Variants in GABBR2 observed in about 807,000 individuals in gnomAD.
GABBR2 encodes gamma-aminobutyric acid type B receptor subunit 2, also known as G-protein coupled receptor 51.
Under a neutral mutation model 105.6 loss-of-function variants are expected in GABBR2, and 23 were observed. That is an observed-to-expected ratio of 0.22 (90% CI 0.16 to 0.31). The LOEUF (loss-of-function observed/expected upper bound fraction) is 0.31. Among genes scored for constraint, GABBR2 ranks in the 10% least tolerant of loss-of-function variants. The pLI is 1.00. For missense variants in GABBR2, 734 were observed against 1,245.5 expected (o/e 0.59, Z 6.18); for synonymous variants, 478 against 499.7 (o/e 0.96, Z 0.58).
intron 11 of GABBR2, among the ~76,000 whole-genome samples, chr9:98,376,862 T>C (rs1226419873): frequency 6.6e-6 from 1 of 152,106 alleles, no homozygotes; most frequent in Non-Finnish European, 1.5e-5. Context: ...GGGGCCATCT[T>C]AGAAGCCTTG....
intron 3 of GABBR2, among the ~76,000 whole-genome samples, chr9:98,535,835 A>G (rs1302342860): frequency 1.3e-5 from 2 of 152,180 alleles, no homozygotes; most frequent in Non-Finnish European, 2.9e-5. Flanking sequence ...AGGCAAAACT[A>G]TGGGGATCAG....
chr9:98,566,747 T>C (rs1252697783), intron 2 of GABBR2, among the ~76,000 whole-genome samples: 5 of 125,388 alleles, frequency 4.0e-5, no homozygotes, highest in Non-Finnish European at 7.8e-5. Flanking sequence ...TCAGGGAGGC[T>C]GAGGTGGGAG....
At chr9:98,323,355 T>C (rs910652061) in intron 13 of GABBR2, among the ~76,000 whole-genome samples, 4 of 152,248 alleles carry the variant, frequency 2.6e-5, no homozygotes, top group Non-Finnish European at 4.4e-5. Context: ...TGTGCTGTGA[T>C]GTGAAAGAGG....
chr9:98,550,516 C>A (rs556878799), intron 2 of GABBR2, among the ~76,000 whole-genome samples: 1 of 152,292 alleles, frequency 6.6e-6, no homozygotes, highest in African/African-American at 2.4e-5. Flanking sequence ...AGTCATACTG[C>A]CTCCATCCTC....
chr9:98,324,020 C>A (rs576125219), intron 13 of GABBR2, among the ~76,000 whole-genome samples: 1 of 152,192 alleles, frequency 6.6e-6, no homozygotes, highest in East Asian at 1.9e-4. Context: ...GGGCCATCAG[C>A]CTCCCTCACA....
rs565847273 is a variant in GABBR2, at chr9:98,534,244, C to T, written c.630+7629G>A. 2.0e-5 allele frequency among the ~76,000 whole-genome samples: 3 copies of T among 152,314 alleles called. No homozygotes were observed. In the South Asian group the frequency reaches 6.2e-4, roughly 32 times the overall value. On this transcript the variant is annotated intron_variant, in intron 3 of 18. Coordinates refer to ENST00000259455, the MANE Select transcript of GABBR2 (RefSeq NM_005458.8). ...AAGGGCCTCACCTCAGTGGGGCCTG[C>T]CACTTGAGAGAGGTCGCCAGTACAG... is the stretch of plus-strand genomic sequence containing the variant.
In GABBR2 at chr9:98,496,421, T is replaced by A; in HGVS notation, c.724A>T (p.Lys242Ter). The A allele has an allele frequency of 6.2e-7, 1 of 1,606,422 alleles. No homozygotes were observed. Among genetic ancestry groups the A allele is most frequent in the Non-Finnish European group, 8.5e-7 (1 of 1,173,338 alleles). ...TGGCTAGCCACACCTACCTTCAGCT[T>A]TTTGACACTGGTACAGGGATCGTTG... ...FSNDPCTSVK[K>*]LKGNDVRIIL... The change falls in exon 4 of 19, where the codon AAG (lysine) becomes TAG (stop). Residue 242 changes from lysine (K) to a stop codon, truncating the protein, a stop_gained. Coordinates refer to ENST00000259455, the MANE Select transcript of GABBR2 (RefSeq NM_005458.8). LOFTEE classifies it high-confidence loss of function.
intron 1 of GABBR2, among the ~76,000 whole-genome samples, chr9:98,670,294 T>C (rs1326295737): frequency 6.7e-6 from 1 of 149,956 alleles, no homozygotes; most frequent in Non-Finnish European, 1.5e-5. Flanking sequence ...CCAAATACTA[T>C]GTAACATCCA....
intron 1 of GABBR2, among the ~76,000 whole-genome samples, chr9:98,617,583 C>CA (rs1161399334): frequency 6.6e-6 from 1 of 152,158 alleles, no homozygotes; most frequent in Non-Finnish European, 1.5e-5. Context: ...GAAGGAATGA[C>CA]AAGGGAGATG....
At position 98,541,990 on chromosome 9, in the gene GABBR2, A is replaced by G. The variant is rs1259050260; in HGVS notation, c.513T>C (p.Tyr171=). ...PVLADKKKYP[Y]FFRTVPSDNA... is the part of the protein sequence containing the mutation. The stretch of plus-strand genomic sequence containing the variant: ...TGTCTGATGGGACGGTCCGAAAGAA[A>G]TAAGGGTATTTTTTCTTATCGGCTA... Residue 171 remains tyrosine (Y), a synonymous_variant, in exon 3 of 19, where the codon TAT becomes TAC. Transcript: ENST00000259455. 2 of 1,614,060 alleles carry G rather than the reference A, an allele frequency of 1.2e-6. No individual in the cohort carries two copies. The highest frequency in any genetic ancestry group is 1.7e-6 in the Non-Finnish European group (2 of 1,180,004).
At chr9:98,456,531 C>T (rs1201863899) in intron 6 of GABBR2, among the ~76,000 whole-genome samples, 2 of 152,180 alleles carry the variant, frequency 1.3e-5, no homozygotes, top group African/African-American at 2.4e-5. Context: ...TCCATGAGGT[C>T]GGAGATGTGA....
intron 1 of GABBR2, among the ~76,000 whole-genome samples, chr9:98,589,062 G>C (rs1365248037): frequency 3.9e-5 from 6 of 152,170 alleles, no homozygotes; most frequent in African/African-American, 1.4e-4. Context: ...CCTCTTCCCA[G>C]ACCCCACCAA....
intron 17 of GABBR2, 73 bp downstream of exon 17, chr9:98,299,150 TA>T: frequency 4.5e-6 from 6 of 1,326,994 alleles, no homozygotes; most frequent in Non-Finnish European, 6.5e-6. Flanking sequence ...TTTCTTCATC[TA>T]AAAAATGGAA....
intron 3 of GABBR2, among the ~76,000 whole-genome samples, chr9:98,506,139 T>A (rs1349210824): frequency 6.6e-6 from 1 of 152,184 alleles, no homozygotes; most frequent in Non-Finnish European, 1.5e-5. Context: ...GACCATACGC[T>A]GTGCATCGTG....
chr9:98,439,462 T>C (rs1825992364), intron 7 of GABBR2, among the ~76,000 whole-genome samples: 1 of 152,222 alleles, frequency 6.6e-6, no homozygotes, highest in Non-Finnish European at 1.5e-5. Context: ...TTAAAGGCAA[T>C]GTTAATACTA....
chr9:98,512,579 A>G (rs1827669053), intron 3 of GABBR2, among the ~76,000 whole-genome samples: 1 of 152,188 alleles, frequency 6.6e-6, no homozygotes, highest in African/African-American at 2.4e-5. Flanking sequence ...AAATCAATGT[A>G]CAAAAATCAC....
intron 7 of GABBR2, 44 bp from the exon 8 acceptor site, chr9:98,406,185 T>G (rs1391287575): frequency 8.2e-7 from 1 of 1,225,608 alleles, no homozygotes; most frequent in African/African-American, 1.5e-5. Context: ...AAAAGAGAAA[T>G]GCCACATTAG....
At chr9:98,322,192 C>A (rs1250358316) in intron 13 of GABBR2, among the ~76,000 whole-genome samples, 1 of 152,050 alleles carries the variant, frequency 6.6e-6, no homozygotes, top group East Asian at 1.9e-4. Flanking sequence ...TCCTGCCTAG[C>A]CTCTCCCAGT....
chr9:98,648,726 C>T (rs900096999), intron 1 of GABBR2, among the ~76,000 whole-genome samples: 5 of 152,290 alleles, frequency 3.3e-5, no homozygotes, highest in Middle Eastern at 3.4e-3. Flanking sequence ...GGCCTTACCC[C>T]AACCCCAACC....
Sources: allele counts gnomAD v4.1 joint callset (sites outside exome capture counted in the v4.1 genomes callset), GRCh38; gene constraint gnomAD v4.1.1; transcripts MANE v1.5; gene names NCBI Gene and HGNC (gene_info 2026-07-23, HGNC 2026-07-21).